Variants in TSGA10 observed in about 807,000 individuals in gnomAD.
The protein encoded by TSGA10 is testis-specific gene 10 protein.
A neutral mutation model predicts 96.6 loss-of-function variants in TSGA10; 43 were observed. That is an observed-to-expected ratio of 0.44 (90% CI 0.35 to 0.57). TSGA10 has a LOEUF of 0.57. TSGA10 is among the 20% of genes least tolerant of loss of function. The pLI, the probability that TSGA10 is intolerant of heterozygous loss-of-function variation, is 0.01. For synonymous variants in TSGA10, 229 were observed against 269.9 expected, an observed-to-expected ratio of 0.85 and a Z score of 1.48; for missense variants, 703 against 834.4, an observed-to-expected ratio of 0.84 and a Z score of 1.94.
chr2:99,114,009 A>T (rs999083728), intron 4 of TSGA10, among the ~76,000 whole-genome samples: 2 of 152,230 alleles, frequency 1.3e-5, no homozygotes, highest in Non-Finnish European at 2.9e-5. Context: ...TTAATATTGA[A>T]AATATTTTAA....
chr2:99,025,440 C>CT (rs2080474776), intron 17 of TSGA10, among the ~76,000 whole-genome samples: 1 of 152,048 alleles, frequency 6.6e-6, no homozygotes, highest in African/African-American at 2.4e-5. Flanking sequence ...CCCTATGATA[C>CT]TTTTTTTATA....
chr2:99,122,065 C>T (rs2092601398), intron 2 of TSGA10, among the ~76,000 whole-genome samples: 1 of 152,168 alleles, frequency 6.6e-6, no homozygotes, highest in Admixed American at 6.5e-5. Flanking sequence ...GTCAAAAAAT[C>T]GTTTGGCTGT....
Position 99,065,064 on chromosome 2 carries a change from A to G in TSGA10, c.1279T>C (p.Trp427Arg). The change falls in exon 16 of 21, where the codon TGG becomes CGG. Residue 427 changes from tryptophan (W) to arginine (R), a missense_variant. Around this residue, in one of 3 missense-constraint regions of TSGA10, gnomAD observed 585 missense variants for 656.8 expected, o/e 0.89. Coordinates refer to ENST00000393483, the MANE Select transcript of TSGA10 (RefSeq NM_025244.4). The part of the protein sequence containing the change: ...LRKANEDAEN[W>R]ENKARQSEAD... ...TCTGATTGACGGGCTTTATTTTCCC[A>G]GTTTTCAGCATCTTCATTGGCTTTT... The G allele has an allele frequency of 6.2e-7, 1 of 1,613,660 alleles. No homozygotes were observed. Among genetic ancestry groups the G allele is most frequent in the Non-Finnish European group, 8.5e-7 (1 of 1,179,790 alleles).
At chr2:99,007,863 C>T (rs1188302823) in intron 20 of TSGA10, among the ~76,000 whole-genome samples, 1 of 152,126 alleles carries the variant, frequency 6.6e-6, no homozygotes, top group Non-Finnish European at 1.5e-5. Context: ...ATTAAAAATA[C>T]CACATAGCCT....
At chr2:99,103,829 C>T (rs2091041122) in intron 10 of TSGA10, 138 bp downstream of exon 10, 1 of 1,000,066 alleles carries the variant, frequency 1.0e-6, no homozygotes, top group Non-Finnish European at 1.4e-6. Flanking sequence ...CACTGTGTGC[C>T]AAGGGTTCCT....
At chr2:99,056,181 G>C (rs1036448868) in intron 16 of TSGA10, among the ~76,000 whole-genome samples, 3 of 150,024 alleles carry the variant, frequency 2.0e-5, no homozygotes, top group Admixed American at 6.7e-5. Context: ...CTCCAGCCTG[G>C]GTGACAGAGC....
At chr2:99,063,750 G>T (rs1293374674) in intron 16 of TSGA10, among the ~76,000 whole-genome samples, 2 of 134,406 alleles carry the variant, frequency 1.5e-5, no homozygotes, top group African/African-American at 6.5e-5. Context: ...AGGTTGCAGT[G>T]AGCCAAGATC....
chr2:99,015,456 A>C, intron 20 of TSGA10, among the ~76,000 whole-genome samples: 1 of 152,142 alleles, frequency 6.6e-6, no homozygotes. Flanking sequence ...TATGGTTAAA[A>C]CCCTCAGCAA....
Position 99,020,852 on chromosome 2 carries a change from T to C in TSGA10, c.1615-370A>G, listed in dbSNP as rs138854971. ...TGAGCTACATGCTTATAGAATGTCA[T>C]TGGACTCCATAATTAAGGAATATAA... On this transcript the variant is annotated intron_variant, in intron 17 of 20. Coordinates refer to ENST00000393483, the MANE Select transcript of TSGA10 (RefSeq NM_025244.4). 5.9e-3 allele frequency among the ~76,000 whole-genome samples: 896 copies of C among 151,894 alleles called. 10 individuals are homozygous for C. The highest frequency in any genetic ancestry group is 0.021 in the African/African-American group (856 of 41,524).
intron 20 of TSGA10, among the ~76,000 whole-genome samples, chr2:99,010,562 C>G (rs137949538): frequency 6.6e-6 from 1 of 152,330 alleles, no homozygotes; most frequent in East Asian, 1.9e-4. Context: ...GTAGAAGTAG[C>G]AGCAGGAAGT....
chr2:99,032,342 G>A (rs2081211683), intron 17 of TSGA10, among the ~76,000 whole-genome samples: 1 of 152,182 alleles, frequency 6.6e-6, no homozygotes, highest in African/African-American at 2.4e-5. Context: ...AAGAATCTAA[G>A]ACTATCAACA....
intron 1 of TSGA10, among the ~76,000 whole-genome samples, chr2:99,133,311 T>A (rs749916411): frequency 6.6e-6 from 1 of 152,230 alleles, no homozygotes; most frequent in Non-Finnish European, 1.5e-5. Context: ...GCTCTTCTTG[T>A]TGCATTGATC....
chr2:98,999,468 T>C (rs922227237), intron 20 of TSGA10, among the ~76,000 whole-genome samples: 20 of 152,294 alleles, frequency 1.3e-4, no homozygotes, highest in Non-Finnish European at 2.4e-4. Flanking sequence ...GTCTAGATAA[T>C]AGGTGTCAGT....
chr2:99,018,705 C>T (rs2079748725), intron 18 of TSGA10, 65 bp from the exon 19 acceptor site: 1 of 1,367,930 alleles, frequency 7.3e-7, no homozygotes. Context: ...TTCTGGGGTA[C>T]ATGAAACCAT....
intron 16 of TSGA10, among the ~76,000 whole-genome samples, chr2:99,049,974 A>G (rs904272125): frequency 6.6e-6 from 1 of 152,138 alleles, no homozygotes. Flanking sequence ...TTTAAAATCA[A>G]TTATATAATA....
chr2:99,130,383 A>C (rs777166740), intron 1 of TSGA10, among the ~76,000 whole-genome samples: 5 of 152,178 alleles, frequency 3.3e-5, no homozygotes, highest in Non-Finnish European at 5.9e-5. Context: ...ATGACCAATG[A>C]TGAGCTTTTT....
chr2:99,028,629 C>A (rs2080859957), intron 17 of TSGA10, among the ~76,000 whole-genome samples: 1 of 152,024 alleles, frequency 6.6e-6, no homozygotes, highest in Admixed American at 6.6e-5. Context: ...CTCCCCTCAC[C>A]CCCAGCCCCT....
intron 1 of TSGA10, among the ~76,000 whole-genome samples, chr2:99,145,295 C>T (rs886523213): frequency 6.6e-6 from 1 of 152,158 alleles, no homozygotes; most frequent in East Asian, 1.9e-4. Flanking sequence ...CGGTGACTCA[C>T]ACCTATAATC....
chr2:99,150,415 A>G, intron 1 of TSGA10: 1 of 890,872 alleles, frequency 1.1e-6, no homozygotes, highest in Non-Finnish European at 1.7e-6. Flanking sequence ...TTTCATTCAA[A>G]CAAACATTGC....
Sources: allele counts gnomAD v4.1 joint callset (sites outside exome capture counted in the v4.1 genomes callset), GRCh38; gene constraint gnomAD v4.1.1; regional missense constraint gnomAD v4.1.1; transcripts MANE v1.5; gene names NCBI Gene and HGNC (gene_info 2026-07-23, HGNC 2026-07-21).